Variants in CYYR1 observed in about 807,000 individuals in gnomAD.
CYYR1 encodes the protein cysteine and tyrosine-rich protein 1.
A neutral mutation model predicts 15.2 loss-of-function variants in CYYR1; 14 were observed. The observed-to-expected ratio is 0.92, with a 90% CI of 0.61 to 1.44. The LOEUF (loss-of-function observed/expected upper bound fraction) is 1.44, where lower values mean the gene tolerates loss of function less well. CYYR1 is among the 40% of genes most tolerant of loss of function. CYYR1 has a pLI of 0.00. For missense variants in CYYR1, 228 were observed against 209.5 expected (o/e 1.09, Z -0.54); for synonymous variants, 80 against 77.4 (o/e 1.03, Z -0.18).
At chr21:26,516,491 A>G (rs2065728689) in intron 2 of CYYR1, among the ~76,000 whole-genome samples, 1 of 152,232 alleles carries the variant, frequency 6.6e-6, no homozygotes, top group South Asian at 2.1e-4. Flanking sequence ...TGCACTCTAA[A>G]AATATTGATT....
intron 2 of CYYR1, among the ~76,000 whole-genome samples, chr21:26,543,917 A>C (rs1978765819): frequency 6.6e-6 from 1 of 151,894 alleles, no homozygotes; most frequent in Admixed American, 6.6e-5. Context: ...AAAAATAATA[A>C]TAATAATAAA....
chr21:26,511,987 T>TACACACACACACACAC (rs61382991), intron 2 of CYYR1, among the ~76,000 whole-genome samples: 27 of 148,222 alleles, frequency 1.8e-4, no homozygotes, highest in African/African-American at 6.2e-4. Flanking sequence ...ATATCACACA[T>TACACACACACACACAC]ACACACACAC....
chr21:26,498,081 A>G, intron 2 of CYYR1, among the ~76,000 whole-genome samples: 1 of 152,218 alleles, frequency 6.6e-6, no homozygotes, highest in Non-Finnish European at 1.5e-5. Flanking sequence ...AGTGAGGAAC[A>G]CATCTCTTCA....
rs1418936330 is a variant in CYYR1 at position 26,474,054 on chromosome 21, T to C, written c.335-5420A>G. Among the ~76,000 whole-genome samples, 342 of 150,678 alleles carry C rather than the reference T, an allele frequency of 2.3e-3. 1 individual carries two copies. The highest frequency in any genetic ancestry group is 4.0e-3 in the Non-Finnish European group (269 of 67,578). On this transcript the variant is annotated intron_variant, in intron 3 of 3. Transcript: ENST00000652641. Reference sequence around the variant, plus strand: ...TTGTGTGTTTTTTGTTTTCGTTTTTTTTTTTTTTTTGAGATGGAGTCTTGC... The same window carrying C: ...TTGTGTGTTTTTTGTTTTCGTTTTTCTTTTTTTTTTGAGATGGAGTCTTGC...
At chr21:26,523,374 A>G (rs1236028353) in intron 2 of CYYR1, among the ~76,000 whole-genome samples, 1 of 151,628 alleles carries the variant, frequency 6.6e-6, no homozygotes, top group Admixed American at 6.6e-5. Flanking sequence ...TTCTTTTCTT[A>G]CCCCTCACAA....
At chr21:26,505,571 A>G (rs769084795) in intron 2 of CYYR1, among the ~76,000 whole-genome samples, 19 of 152,240 alleles carry the variant, frequency 1.2e-4, no homozygotes, top group Non-Finnish European at 2.1e-4. Context: ...TGTGTACATA[A>G]CCAGAGTGCC....
At chr21:26,488,275 T>TCCTTCCTTCCTG (rs2065279051) in intron 2 of CYYR1, among the ~76,000 whole-genome samples, 1 of 149,852 alleles carries the variant, frequency 6.7e-6, no homozygotes, top group Non-Finnish European at 1.5e-5. Flanking sequence ...CTTCCTTCCT[T>TCCTTCCTTCCTG]CCTTCCTTCC....
chr21:26,517,746 G>A (rs2065751083), intron 2 of CYYR1, among the ~76,000 whole-genome samples: 1 of 152,132 alleles, frequency 6.6e-6, no homozygotes, highest in African/African-American at 2.4e-5. Context: ...AGTAGAGACA[G>A]GGTTTCACCA....
chr21:26,542,826 T>C (rs222951), intron 2 of CYYR1, among the ~76,000 whole-genome samples: 98,408 of 152,002 alleles, frequency 0.65, 32,056 homozygotes, highest in East Asian at 0.85. Context: ...TTTCATACTC[T>C]GCAGCAACAA....
At chr21:26,486,985 T>C (rs1398731206) in intron 2 of CYYR1, among the ~76,000 whole-genome samples, 1 of 152,110 alleles carries the variant, frequency 6.6e-6, no homozygotes, top group Non-Finnish European at 1.5e-5. Flanking sequence ...AAAGGGCTTA[T>C]GAATATTCTA....
chr21:26,529,789 T>C (rs1420325228), intron 2 of CYYR1, among the ~76,000 whole-genome samples: 1 of 152,228 alleles, frequency 6.6e-6, no homozygotes, highest in Non-Finnish European at 1.5e-5. Flanking sequence ...TTTATCTTAT[T>C]AAGCACTTAG....
intron 2 of CYYR1, among the ~76,000 whole-genome samples, chr21:26,497,356 T>C (rs2065420387): frequency 6.6e-6 from 1 of 152,134 alleles, no homozygotes; most frequent in Non-Finnish European, 1.5e-5. Flanking sequence ...ATCATTCATG[T>C]AATAGAACAT....
intron 2 of CYYR1, among the ~76,000 whole-genome samples, chr21:26,489,345 C>T (rs115843198): frequency 6.6e-6 from 1 of 152,076 alleles, no homozygotes; most frequent in Non-Finnish European, 1.5e-5. Flanking sequence ...ATGGTAAATG[C>T]TTTGATTGAT....
intron 2 of CYYR1, among the ~76,000 whole-genome samples, chr21:26,519,121 T>C (rs1013108716): frequency 6.6e-6 from 1 of 152,214 alleles, no homozygotes; most frequent in African/African-American, 2.4e-5. Flanking sequence ...TTCATTTGAT[T>C]CAACAAATAT....
chr21:26,536,389 G>A (rs1403185308), intron 2 of CYYR1, among the ~76,000 whole-genome samples: 1 of 152,162 alleles, frequency 6.6e-6, no homozygotes, highest in African/African-American at 2.4e-5. Flanking sequence ...TATGTTTATA[G>A]TCTGTGTGAT....
At chr21:26,493,623 C>A (rs1199441203) in intron 2 of CYYR1, among the ~76,000 whole-genome samples, 2 of 152,040 alleles carry the variant, frequency 1.3e-5, no homozygotes, top group African/African-American at 2.4e-5. Flanking sequence ...TGGAATAGCA[C>A]CCTGAATGTG....
At chr21:26,495,085 T>C (rs1404019323) in intron 2 of CYYR1, among the ~76,000 whole-genome samples, 1 of 152,244 alleles carries the variant, frequency 6.6e-6, no homozygotes, top group African/African-American at 2.4e-5. Context: ...AGTTAGTCAG[T>C]ATAAGCTGTG....
intron 2 of CYYR1, among the ~76,000 whole-genome samples, chr21:26,495,401 G>A (rs1169306194): frequency 6.6e-6 from 1 of 152,196 alleles, no homozygotes; most frequent in Non-Finnish European, 1.5e-5. Flanking sequence ...TCTCAGAAGG[G>A]CCATGTGACT....
At chr21:26,499,101 C>A (rs1305862006) in intron 2 of CYYR1, among the ~76,000 whole-genome samples, 1 of 152,114 alleles carries the variant, frequency 6.6e-6, no homozygotes, top group Non-Finnish European at 1.5e-5. Context: ...GCTATGGTAA[C>A]TGATGTGAGG....
Sources: gnomAD v4.1 joint callset for allele counts (sites outside exome capture counted in the v4.1 genomes callset) on GRCh38, gnomAD v4.1.1 for gene constraint, MANE v1.5 for transcripts, NCBI Gene and HGNC (gene_info 2026-07-23, HGNC 2026-07-21) for gene names.